The following GNB1 variants were observed in gnomAD, a reference collection of about 807,000 sequenced individuals.
GNB1 encodes guanine nucleotide-binding protein G(I)/G(S)/G(T) subunit beta-1.
Under a neutral mutation model 42.9 loss-of-function variants are expected in GNB1, and 2 were observed. The observed-to-expected ratio is 0.05, with a 90% confidence interval of 0.02 to 0.15. GNB1 has a LOEUF of 0.15. Among genes scored for constraint, GNB1 ranks in the 10% least tolerant of loss-of-function variants. The pLI is 1.00. For missense variants in GNB1, 193 were observed against 462.2 expected (o/e 0.42, Z 5.34); for synonymous variants, 183 against 174.7 (o/e 1.05, Z -0.38).
rs1175944565 is a variant in GNB1, at chr1:1,797,961, G to A, written c.431-4650C>T. Among the ~76,000 whole-genome samples the A allele has an allele frequency of 4.6e-5, 7 of 152,324 alleles. No individual in the cohort carries two copies. The East Asian group carries it at 5.8e-4, about 13-fold the overall frequency. On this transcript the variant is annotated intron_variant, in intron 7 of 11. Transcript: ENST00000378609. ...AGGTGGTTTCAGGAGCACCTGTGCCGCCCCAGGATCGGCTCCAAGGAGCAA... is the reference window on the plus strand; with the variant it reads ...AGGTGGTTTCAGGAGCACCTGTGCCACCCCAGGATCGGCTCCAAGGAGCAA...
Position 1,803,429 on chromosome 1 carries a change from G to A in GNB1, c.430+990C>T, listed in dbSNP as rs562114959. 1.8e-4 allele frequency among the ~76,000 whole-genome samples: 27 copies of A among 152,300 alleles called. 1 individual carries two copies. The highest frequency in any genetic ancestry group is 6.0e-4 in the African/African-American group (25 of 41,574). On this transcript the variant is annotated intron_variant, in intron 7 of 11. Transcript: ENST00000378609. Reference sequence around the variant, plus strand: ...CTCCTGAGGAGCTGGGACCATAGTTGTGTGCCACTGTGCGTGGCTGTTTTT... The same window carrying A: ...CTCCTGAGGAGCTGGGACCATAGTTATGTGCCACTGTGCGTGGCTGTTTTT...
At chr1:1,814,591 G>A (rs1646825008) in intron 5 of GNB1, among the ~76,000 whole-genome samples, 1 of 152,052 alleles carries the variant, frequency 6.6e-6, no homozygotes, top group Non-Finnish European at 1.5e-5. Context: ...TTAGGGGCCA[G>A]GAGTTTGAGA....
intron 9 of GNB1, among the ~76,000 whole-genome samples, chr1:1,789,910 C>CATGGAGG (rs1323915141): frequency 6.6e-6 from 1 of 152,154 alleles, no homozygotes; most frequent in Non-Finnish European, 1.5e-5. Flanking sequence ...GGGCTAATCT[C>CATGGAGG]ATGGAGGAAG....
At chr1:1,872,016 T>C (rs889960322) in intron 1 of GNB1, among the ~76,000 whole-genome samples, 1 of 151,868 alleles carries the variant, frequency 6.6e-6, no homozygotes, top group African/African-American at 2.4e-5. Context: ...TTTTTTTTTT[T>C]CTTAAGACAG....
chr1:1,790,286 T>C lies in GNB1; in HGVS notation c.699+109A>G, dbSNP rs1646464294. Reference sequence around the variant, plus strand: ...ATCCCCATCTGTACATGAGGTTGTATAAGGATCAGAAAGGAGAACATCTAA... The same window carrying C: ...ATCCCCATCTGTACATGAGGTTGTACAAGGATCAGAAAGGAGAACATCTAA... On this transcript the variant is annotated intron_variant, in intron 9 of 11. Coordinates refer to ENST00000378609, the MANE Select transcript of GNB1 (RefSeq NM_002074.5). The surrounding 1 kb of genome is among the most constrained non-coding windows in gnomAD (Gnocchi z 5.4). The C allele has an allele frequency of 2.7e-6, 2 of 745,886 alleles. No individual in the cohort carries two copies. The highest frequency in any genetic ancestry group is 4.7e-6 in the Non-Finnish European group (2 of 429,184). 46.2% of individuals were successfully genotyped at this position (745,886 alleles called of 1,614,324 possible).
In GNB1 at chr1:1,787,932, G is replaced by A. The variant is rs184261080; in HGVS notation, c.917-495C>T. ...TAGTCCCAGCTACTCAGGAGGCTAGGGTAGGAGAATCATTGGAACCCAGGA... is the reference window on the plus strand; with the variant it reads ...TAGTCCCAGCTACTCAGGAGGCTAGAGTAGGAGAATCATTGGAACCCAGGA... On this transcript the variant is annotated intron_variant, in intron 10 of 11. Coordinates refer to ENST00000378609, the MANE Select transcript of GNB1 (RefSeq NM_002074.5). This position sits in a 1 kb window ranked among gnomAD's most constrained non-coding sequence, Gnocchi z 4.4. 6.6e-6 allele frequency: 1 copy of A among 152,178 alleles called. No individual in the cohort carries two copies. The highest frequency in any genetic ancestry group is 6.6e-5 in the Admixed American group (1 of 15,258). The allele number at this position is 152,178 out of a possible 1,614,324, so 9.4% of individuals were successfully genotyped here.
chr1:1,795,159 T>C (rs955319621), intron 7 of GNB1, among the ~76,000 whole-genome samples: 12 of 152,154 alleles, frequency 7.9e-5, no homozygotes, highest in African/African-American at 2.2e-4. Flanking sequence ...CAGAGGAGGA[T>C]AGCCCTGCAT....
At chr1:1,885,272 G>C (rs1434936991) in intron 1 of GNB1, among the ~76,000 whole-genome samples, 1 of 151,000 alleles carries the variant, frequency 6.6e-6, no homozygotes, top group Non-Finnish European at 1.5e-5. Context: ...AATTAGCCAG[G>C]CATGGTGGCG....
chr1:1,887,495 T>C (rs984413838), intron 1 of GNB1, among the ~76,000 whole-genome samples: 5 of 152,252 alleles, frequency 3.3e-5, no homozygotes, highest in Non-Finnish European at 7.3e-5. Flanking sequence ...TCTGGTACTT[T>C]TGCAGGATAG....
chr1:1,871,711 A>G (rs1436738148), intron 1 of GNB1, among the ~76,000 whole-genome samples: 3 of 152,186 alleles, frequency 2.0e-5, no homozygotes, highest in African/African-American at 7.2e-5. Context: ...TATTCAAGGC[A>G]TGGCTCTGCA....
intron 1 of GNB1, among the ~76,000 whole-genome samples, chr1:1,846,450 C>T (rs1032902787): frequency 1.3e-5 from 2 of 152,070 alleles, no homozygotes; most frequent in Admixed American, 1.3e-4. Flanking sequence ...ACCTGTAATC[C>T]CAGCTACTCG....
chr1:1,866,049 C>T (rs564840648), intron 1 of GNB1, among the ~76,000 whole-genome samples: 1 of 152,204 alleles, frequency 6.6e-6, no homozygotes, highest in Admixed American at 6.5e-5. Flanking sequence ...ACTGATTCTC[C>T]TGCCTCAGCC....
At chr1:1,850,759 CTCT>C (rs375021713) in intron 1 of GNB1, among the ~76,000 whole-genome samples, 1 of 152,104 alleles carries the variant, frequency 6.6e-6, no homozygotes, top group African/African-American at 2.4e-5. Flanking sequence ...ATTTATTTCT[CTCT>C]TAACAAGAAA....
intron 2 of GNB1, among the ~76,000 whole-genome samples, chr1:1,826,243 C>T (rs1245806887): frequency 2.0e-5 from 3 of 151,916 alleles, no homozygotes; most frequent in African/African-American, 7.3e-5. Context: ...ATGGTGAAAC[C>T]CGATCTCTAC....
chr1:1,860,190 TACC>T (rs1208479301), intron 1 of GNB1, among the ~76,000 whole-genome samples: 2 of 152,168 alleles, frequency 1.3e-5, no homozygotes, highest in African/African-American at 4.8e-5. Flanking sequence ...AAAAACTGAA[TACC>T]ACATGTTCTC....
Position 1,860,447 on chromosome 1 carries a change from G to A in GNB1, c.-95-21209C>T, listed in dbSNP as rs564051035. On this transcript the variant is annotated intron_variant, in intron 1 of 11. Transcript: ENST00000378609. ...TCTAAAATAAAAGTTGAAAAAATTA[G>A]TCAAAAAATAAATAAATAAAAACAA... 1.1e-4 allele frequency among the ~76,000 whole-genome samples: 17 copies of A among 151,856 alleles called. No homozygotes were observed. The East Asian group carries it at 3.3e-3, about 29-fold the overall frequency.
chr1:1,814,968 C>T (rs1570658388), intron 5 of GNB1, among the ~76,000 whole-genome samples: 1 of 151,564 alleles, frequency 6.6e-6, no homozygotes, highest in Non-Finnish European at 1.5e-5. Flanking sequence ...AAAAAATTAG[C>T]CAGTGTGGTG....
chr1:1,809,752 T>C (rs1391685047), intron 5 of GNB1, among the ~76,000 whole-genome samples: 4 of 152,158 alleles, frequency 2.6e-5, no homozygotes, highest in Admixed American at 6.6e-5. Context: ...ACATGCCTCC[T>C]AGTCCCGGGT....
rs1557897975 is a variant in GNB1 at position 1,814,815 on chromosome 1, A to AAAAAAG, written c.203+935_203+940dup. On this transcript the variant is annotated intron_variant, in intron 5 of 11. Transcript: ENST00000378609. Reference sequence around the variant, plus strand: ...CCTGTCTCAAAAAAAAAAAAAAAAAAAAAAAGAAAAAAAGAGGCTGGGCGT... The same window carrying AAAAAAG: ...CCTGTCTCAAAAAAAAAAAAAAAAAAAAAAAGAAAAAGAAAAAAAGAGGCTGGGCGT... 3.8e-3 allele frequency among the ~76,000 whole-genome samples: 517 copies of AAAAAAG among 135,840 alleles called. 17 individuals are homozygous for AAAAAAG. Among genetic ancestry groups the AAAAAAG allele is most frequent in the Non-Finnish European group, 5.6e-3 (355 of 62,898 alleles). The allele number at this position is 135,840 out of a possible 152,430, so 89.1% of individuals were successfully genotyped here.
Sources: allele counts gnomAD v4.1 joint callset (sites outside exome capture counted in the v4.1 genomes callset), GRCh38; gene constraint gnomAD v4.1.1; non-coding constraint Gnocchi (gnomAD v3.1); transcripts MANE v1.5; gene names NCBI Gene and HGNC (gene_info 2026-07-23, HGNC 2026-07-21).